The following ITGA9 variants were observed in gnomAD, a reference collection of about 807,000 sequenced individuals.
ITGA9 encodes the protein integrin alpha-9.
In ITGA9, 56 loss-of-function variants were observed where a neutral mutation model predicts 127.8. That is an observed-to-expected ratio of 0.44 (90% CI 0.35 to 0.55). The LOEUF is 0.55. ITGA9 is among the 20% of genes least tolerant of loss of function. ITGA9 has a pLI of 0.00. For synonymous variants in ITGA9, 508 were observed against 514.5 expected (o/e 0.99, Z 0.17); for missense variants, 1,196 against 1,347.1 (o/e 0.89, Z 1.76).
At chr3:37,591,529 G>A (rs917321369) in intron 15 of ITGA9, among the ~76,000 whole-genome samples, 1 of 152,168 alleles carries the variant, frequency 6.6e-6, no homozygotes, top group African/African-American at 2.4e-5. Context: ...CATTTAGAAT[G>A]GAGTCAGGAG....
chr3:37,494,465 G>A (rs760450725), intron 4 of ITGA9, 36 bp from the exon 5 acceptor site: 159 of 1,457,610 alleles, frequency 1.1e-4, no homozygotes, highest in Middle Eastern at 1.7e-4. Flanking sequence ...CACTGACATG[G>A]CTGTGGTTTG....
At chr3:37,632,552 A>G (rs1700238575) in intron 16 of ITGA9, among the ~76,000 whole-genome samples, 1 of 152,218 alleles carries the variant, frequency 6.6e-6, no homozygotes, top group African/African-American at 2.4e-5. Context: ...TAATAATAGA[A>G]TAGCATGTTT....
intron 15 of ITGA9, among the ~76,000 whole-genome samples, chr3:37,587,934 T>C (rs1048633513): frequency 6.6e-5 from 10 of 152,104 alleles, no homozygotes; most frequent in African/African-American, 2.2e-4. Context: ...GCATCCAGAG[T>C]GGCATGCAGT....
intron 18 of ITGA9, among the ~76,000 whole-genome samples, chr3:37,706,523 T>G (rs146124147): frequency 6.6e-6 from 1 of 152,142 alleles, no homozygotes; most frequent in African/African-American, 2.4e-5. Flanking sequence ...TAAGACTTTT[T>G]TGAGAAGCAT....
At chr3:37,573,088 C>T (rs1343675809) in intron 15 of ITGA9, 1 of 152,200 alleles carries the variant, frequency 6.6e-6, no homozygotes, top group East Asian at 1.9e-4. Flanking sequence ...CAGAGAAGAA[C>T]CTGGCCCAGG....
chr3:37,702,398 C>T (rs1257553552), intron 18 of ITGA9, among the ~76,000 whole-genome samples: 1 of 152,178 alleles, frequency 6.6e-6, no homozygotes, highest in African/African-American at 2.4e-5. Context: ...GAGACAGTGG[C>T]AGCCTCTGAT....
At chr3:37,599,961 C>T (rs757699590) in intron 15 of ITGA9, among the ~76,000 whole-genome samples, 9 of 152,100 alleles carry the variant, frequency 5.9e-5, no homozygotes, top group East Asian at 5.8e-4. Flanking sequence ...AGTTGAGATT[C>T]GTAAAGCAGT....
chr3:37,741,678 G>T lies in ITGA9; in HGVS notation c.2235-52G>T. 4.9e-6 allele frequency: 7 copies of T among 1,414,290 alleles called. No homozygotes were observed. The South Asian group carries it at 7.2e-5, about 15-fold the overall frequency. The allele number at this position is 1,414,290 out of a possible 1,614,324, so 87.6% of individuals were successfully genotyped here. A position where few individuals can be genotyped will look rare whatever the true frequency, so the allele number is the denominator to read the frequency against. On this transcript the variant is annotated intron_variant, in intron 20 of 27. Coordinates refer to ENST00000264741, the MANE Select transcript of ITGA9 (RefSeq NM_002207.3). ...TAAAGTGGAACAGAGAAAGCCCACT[G>T]CTGGACAGCTAGTGTTGGCCAGCGT...
intron 15 of ITGA9, among the ~76,000 whole-genome samples, chr3:37,561,197 A>G (rs1406012180): frequency 1.3e-5 from 2 of 152,238 alleles, no homozygotes; most frequent in Non-Finnish European, 2.9e-5. Flanking sequence ...ATTTAGTCCA[A>G]TATAGCCAAA....
At chr3:37,807,533 G>C (rs1279949517) in intron 27 of ITGA9, 4 of 152,450 alleles carry the variant, frequency 2.6e-5, no homozygotes, top group East Asian at 1.9e-4. Flanking sequence ...CAGGACAAAG[G>C]GGGAGCATGG....
At chr3:37,544,173 C>G (rs192162751) in intron 15 of ITGA9, among the ~76,000 whole-genome samples, 1 of 152,138 alleles carries the variant, frequency 6.6e-6, no homozygotes. Flanking sequence ...AGAAGTTATC[C>G]TTTGTTCCTA....
intron 16 of ITGA9, among the ~76,000 whole-genome samples, chr3:37,649,256 C>T (rs7620983): frequency 6.6e-6 from 1 of 151,672 alleles, no homozygotes; most frequent in African/African-American, 2.4e-5. Flanking sequence ...AAAAGACTAA[C>T]CTTCCCAATA....
At chr3:37,583,346 G>A (rs1699727755) in intron 15 of ITGA9, among the ~76,000 whole-genome samples, 1 of 152,168 alleles carries the variant, frequency 6.6e-6, no homozygotes, top group South Asian at 2.1e-4. Flanking sequence ...TGAGCACCTA[G>A]AAAACATATG....
chr3:37,617,634 C>G (rs1004353023), intron 15 of ITGA9, among the ~76,000 whole-genome samples: 10 of 152,122 alleles, frequency 6.6e-5, no homozygotes, highest in African/African-American at 2.2e-4. Flanking sequence ...TCACATAGTC[C>G]CATATTTCTT....
intron 15 of ITGA9, among the ~76,000 whole-genome samples, chr3:37,618,268 A>C (rs6763894): frequency 0.021 from 3,178 of 152,330 alleles, 95 homozygotes; most frequent in African/African-American, 0.071. Flanking sequence ...CGGAGGCTGC[A>C]GAACAGTGGA....
At chr3:37,714,774 A>C (rs72859070) in intron 18 of ITGA9, among the ~76,000 whole-genome samples, 2 of 152,152 alleles carry the variant, frequency 1.3e-5, no homozygotes, top group African/African-American at 4.8e-5. Flanking sequence ...GCAAGCCTCC[A>C]TGACTCGAAT....
At chr3:37,706,791 C>G (rs1372315796) in intron 18 of ITGA9, among the ~76,000 whole-genome samples, 2 of 152,186 alleles carry the variant, frequency 1.3e-5, no homozygotes, top group Non-Finnish European at 2.9e-5. Flanking sequence ...GATCTCGGAA[C>G]AGGATCCCAG....
chr3:37,692,627 G>A (rs2125668110), intron 18 of ITGA9, among the ~76,000 whole-genome samples: 2 of 151,840 alleles, frequency 1.3e-5, no homozygotes, highest in Middle Eastern at 6.8e-3. Context: ...AATGCTTGTT[G>A]ATTTTTTTTT....
intron 2 of ITGA9, among the ~76,000 whole-genome samples, chr3:37,473,153 A>G (rs1182059817): frequency 6.6e-6 from 1 of 151,390 alleles, no homozygotes; most frequent in Non-Finnish European, 1.5e-5. Context: ...AAAAAAAAAA[A>G]AAAAAAAAGA....
Sources: gnomAD v4.1 joint callset for allele counts (sites outside exome capture counted in the v4.1 genomes callset) on GRCh38, gnomAD v4.1.1 for gene constraint, MANE v1.5 for transcripts, NCBI Gene and HGNC (gene_info 2026-07-23, HGNC 2026-07-21) for gene names.